Variants in FAM168A observed in about 807,000 individuals in gnomAD.
The protein encoded by FAM168A is family with sequence similarity 168 member A.
A neutral mutation model predicts 28.5 loss-of-function variants in FAM168A; 3 were observed. That is an observed-to-expected ratio of 0.11 (90% CI 0.05 to 0.27). The LOEUF (loss-of-function observed/expected upper bound fraction) is 0.27, where lower values mean the gene tolerates loss of function less well. Ranked by LOEUF, FAM168A falls within the 10% of genes least tolerant of loss-of-function variation. The pLI, the probability that FAM168A is intolerant of heterozygous loss-of-function variation, is 1.00. For synonymous variants in FAM168A, 122 were observed against 124.2 expected (o/e 0.98, Z 0.12); for missense variants, 222 against 311.5 (o/e 0.71, Z 2.16).
At chr11:73,510,491 T>A (rs75682004) in intron 1 of FAM168A, among the ~76,000 whole-genome samples, 1 of 152,080 alleles carries the variant, frequency 6.6e-6, no homozygotes. Flanking sequence ...GCAAAAGTAA[T>A]TGCAGTTTTT....
intron 1 of FAM168A, chr11:73,510,544 G>C (rs1855201463): frequency 4.8e-6 from 1 of 208,600 alleles, no homozygotes; most frequent in African/African-American, 2.3e-5. Flanking sequence ...ACTTTATTGG[G>C]CCTAAGCTTT....
chr11:73,479,626 G>A lies in FAM168A; in HGVS notation c.-18-11134C>T, dbSNP rs1867940882. ...GATCTCAGAAAGCCAGACTGTGCAT[G>A]GCTACAGGTAATTTTATGATCCCAC... On this transcript the variant is annotated intron_variant, in intron 1 of 7. Coordinates refer to ENST00000356467, the MANE Select transcript of FAM168A (RefSeq NM_015159.3). 2.0e-5 allele frequency among the ~76,000 whole-genome samples: 3 copies of A among 152,138 alleles called. No individual in the cohort carries two copies. The South Asian group carries it at 6.2e-4, about 31-fold the overall frequency.
intron 3 of FAM168A, among the ~76,000 whole-genome samples, chr11:73,421,618 G>C (rs190854299): frequency 3.3e-5 from 5 of 152,234 alleles, no homozygotes; most frequent in East Asian, 1.9e-4. Flanking sequence ...TTTTCTTTGG[G>C]GGGGTGGGAA....
intron 2 of FAM168A, 63 bp downstream of exon 2, chr11:73,468,342 A>G: frequency 6.7e-7 from 1 of 1,497,178 alleles, no homozygotes; most frequent in African/African-American, 1.4e-5. Flanking sequence ...AGGAGGAGCA[A>G]GTTATTTGGT....
chr11:73,552,658 G>T (rs1216368257), intron 1 of FAM168A, among the ~76,000 whole-genome samples: 1 of 152,104 alleles, frequency 6.6e-6, no homozygotes, highest in East Asian at 1.9e-4. Context: ...TTGACCAGTT[G>T]AATAAATAAT....
At chr11:73,487,206 C>T (rs1868064898) in intron 1 of FAM168A, among the ~76,000 whole-genome samples, 1 of 152,154 alleles carries the variant, frequency 6.6e-6, no homozygotes, top group South Asian at 2.1e-4. Context: ...ACTTCATCTC[C>T]TGATCTTTTT....
chr11:73,556,421 ATT>A (rs1943890171), intron 1 of FAM168A, among the ~76,000 whole-genome samples: 1 of 150,958 alleles, frequency 6.6e-6, no homozygotes, highest in Non-Finnish European at 1.5e-5. Context: ...AATAATAATA[ATT>A]TAAATAATTA....
At chr11:73,583,086 C>T (rs376736806) in intron 1 of FAM168A, among the ~76,000 whole-genome samples, 3 of 152,246 alleles carry the variant, frequency 2.0e-5, no homozygotes, top group African/African-American at 7.2e-5. Flanking sequence ...AGGCGGATCA[C>T]GAGGTCAGGA....
chr11:73,481,587 C>G (rs1867968106), intron 1 of FAM168A, among the ~76,000 whole-genome samples: 1 of 152,172 alleles, frequency 6.6e-6, no homozygotes, highest in Non-Finnish European at 1.5e-5. Flanking sequence ...TTAACGGTTA[C>G]TTACAAGAGG....
Position 73,402,806 on chromosome 11 carries a change from T to C in FAM168A, c.*3957A>G, listed in dbSNP as rs936341888. 6.6e-6 allele frequency: 1 copy of C among 152,254 alleles called. No individual in the cohort carries two copies. The highest frequency in any genetic ancestry group is 1.5e-5 in the Non-Finnish European group (1 of 68,066). 9.4% of individuals were successfully genotyped at this position (152,254 alleles called of 1,614,324 possible). A position where few individuals can be genotyped will look rare whatever the true frequency, so the allele number is the denominator to read the frequency against. ...GGCCTTTAGTTGCAAATTCTCATCC[T>C]CCTTGTGCTGCCAGTTAGATGTGCC... On this transcript the variant is annotated 3_prime_UTR_variant, in exon 8 of 8. Transcript: ENST00000356467.
intron 1 of FAM168A, among the ~76,000 whole-genome samples, chr11:73,570,893 T>C (rs1269011056): frequency 6.6e-6 from 1 of 152,138 alleles, no homozygotes; most frequent in Admixed American, 6.5e-5. Context: ...TGGAAACCCA[T>C]CTCCTTACTT....
rs1436920400 is a variant in FAM168A, at chr11:73,402,151, T to G, written c.*4612A>C. ...CAAGCAGCGGGGGCCGCACAGCCAGTAGTGATGTGGGAGAATACAGGATGG... is the reference window on the plus strand; with the variant it reads ...CAAGCAGCGGGGGCCGCACAGCCAGGAGTGATGTGGGAGAATACAGGATGG... On this transcript the variant is annotated 3_prime_UTR_variant, in exon 8 of 8. Transcript: ENST00000356467. 6.6e-6 allele frequency: 1 copy of G among 152,222 alleles called. No individual in the cohort carries two copies. The highest frequency in any genetic ancestry group is 2.4e-5 in the African/African-American group (1 of 41,452). 9.4% of individuals were successfully genotyped at this position (152,222 alleles called of 1,614,324 possible). A position where few individuals can be genotyped will look rare whatever the true frequency, so the allele number is the denominator to read the frequency against.
intron 1 of FAM168A, among the ~76,000 whole-genome samples, chr11:73,542,577 G>A (rs537999096): frequency 6.6e-6 from 1 of 152,194 alleles, no homozygotes; most frequent in Non-Finnish European, 1.5e-5. Flanking sequence ...CTTGCCATCT[G>A]CTTATCCTGT....
At chr11:73,424,493 TG>T (rs1222701047) in intron 3 of FAM168A, among the ~76,000 whole-genome samples, 1 of 151,290 alleles carries the variant, frequency 6.6e-6, no homozygotes, top group Non-Finnish European at 1.5e-5. Flanking sequence ...ATCAGCACGC[TG>T]CCCCCCCCAC....
intron 1 of FAM168A, among the ~76,000 whole-genome samples, chr11:73,575,643 G>A (rs369075763): frequency 1.3e-5 from 2 of 152,316 alleles, no homozygotes; most frequent in Admixed American, 6.5e-5. Context: ...GCTGAGGCAA[G>A]TGGATCACCT....
chr11:73,501,693 T>C (rs984583922), intron 1 of FAM168A, among the ~76,000 whole-genome samples: 1 of 152,054 alleles, frequency 6.6e-6, no homozygotes, highest in Admixed American at 6.5e-5. Flanking sequence ...TAAAGCAGTA[T>C]TAAGAGGGAA....
intron 2 of FAM168A, among the ~76,000 whole-genome samples, chr11:73,439,722 T>C (rs752529616): frequency 8.5e-5 from 13 of 152,102 alleles, no homozygotes; most frequent in Non-Finnish European, 1.8e-4. Context: ...TTCTTTTTTC[T>C]CCTACATTTA....
chr11:73,549,105 C>G (rs1426292825), intron 1 of FAM168A, among the ~76,000 whole-genome samples: 1 of 152,156 alleles, frequency 6.6e-6, no homozygotes, highest in Non-Finnish European at 1.5e-5. Context: ...CCATGCCCAG[C>G]TAATTTTTGT....
At chr11:73,417,249 G>T (rs1389473670) in intron 4 of FAM168A, among the ~76,000 whole-genome samples, 1 of 152,178 alleles carries the variant, frequency 6.6e-6, no homozygotes, top group South Asian at 2.1e-4. Flanking sequence ...GAGTCTAATT[G>T]CAAGAAAGAA....
Sources: allele counts gnomAD v4.1 joint callset (sites outside exome capture counted in the v4.1 genomes callset), GRCh38; gene constraint gnomAD v4.1.1; transcripts MANE v1.5; gene names NCBI Gene and HGNC (gene_info 2026-07-23, HGNC 2026-07-21).